Variants in ADAMTS18 observed in about 807,000 individuals in gnomAD.
ADAMTS18 encodes the protein A disintegrin and metalloproteinase with thrombospondin motifs 18.
In ADAMTS18, 157 loss-of-function variants were observed where a neutral mutation model predicts 165.9. That is an observed-to-expected ratio of 0.95 (90% CI 0.83 to 1.08). The LOEUF (loss-of-function observed/expected upper bound fraction) is 1.08. Ranked by LOEUF, ADAMTS18 falls within the 50% of genes least tolerant of loss-of-function variation. ADAMTS18 has a pLI of 0.00. For synonymous variants in ADAMTS18, 782 were observed against 578.2 expected (o/e 1.35, Z -5.06); for missense variants, 2,040 against 1,534.0 (o/e 1.33, Z -5.51).
At chr16:77,429,893 C>T (rs910352393) in intron 3 of ADAMTS18, among the ~76,000 whole-genome samples, 3 of 152,146 alleles carry the variant, frequency 2.0e-5, no homozygotes, top group Admixed American at 6.5e-5. Context: ...TTATTCCCAT[C>T]TTAGAAATAA....
chr16:77,375,270 C>A (rs567613144), intron 3 of ADAMTS18, among the ~76,000 whole-genome samples: 4 of 152,272 alleles, frequency 2.6e-5, no homozygotes, highest in East Asian at 1.9e-4. Flanking sequence ...GATCCGCCCA[C>A]CTCAGCCTCC....
At chr16:77,287,512 A>T (rs2144552839) in intron 22 of ADAMTS18, among the ~76,000 whole-genome samples, 1 of 152,196 alleles carries the variant, frequency 6.6e-6, no homozygotes, top group Non-Finnish European at 1.5e-5. Flanking sequence ...AGGGTCTCAA[A>T]AAAAGCCCAG....
intron 19 of ADAMTS18, 67 bp from the exon 20 acceptor site, chr16:77,293,325 A>C (rs1419011399): frequency 2.6e-5 from 34 of 1,303,270 alleles, no homozygotes; most frequent in South Asian, 7.2e-5. Flanking sequence ...AAAAAAAAAA[A>C]CAACACACTA....
intron 19 of ADAMTS18, 65 bp from the exon 20 acceptor site, chr16:77,293,323 A>T: frequency 1.5e-6 from 2 of 1,360,736 alleles, no homozygotes; most frequent in Non-Finnish European, 2.1e-6. Context: ...TTAAAAAAAA[A>T]AACAACACAC....
chr16:77,358,846 A>G (rs189843462), intron 8 of ADAMTS18, among the ~76,000 whole-genome samples: 2 of 152,320 alleles, frequency 1.3e-5, no homozygotes, highest in Admixed American at 1.3e-4. Flanking sequence ...CGTTGTCTCC[A>G]TCATAAAAGG....
chr16:77,288,136 A>G (rs2055291291), intron 22 of ADAMTS18, among the ~76,000 whole-genome samples: 1 of 152,138 alleles, frequency 6.6e-6, no homozygotes, highest in Admixed American at 6.5e-5. Context: ...GCCAAAAATA[A>G]CAAGACAAAT....
intron 18 of ADAMTS18, 104 bp downstream of exon 18, chr16:77,297,185 C>T: frequency 1.3e-6 from 2 of 1,497,314 alleles, no homozygotes; most frequent in Non-Finnish European, 9.3e-7. Flanking sequence ...ACCTTTGAAT[C>T]ACTTTCCATT....
At chr16:77,304,313 C>G (rs575931846) in intron 16 of ADAMTS18, among the ~76,000 whole-genome samples, 6 of 152,116 alleles carry the variant, frequency 3.9e-5, no homozygotes, top group Non-Finnish European at 8.8e-5. Flanking sequence ...TTTTAAAAAA[C>G]TAGCTAGGTG....
intron 3 of ADAMTS18, among the ~76,000 whole-genome samples, chr16:77,378,475 G>A (rs1038026340): frequency 1.3e-5 from 2 of 152,296 alleles, no homozygotes; most frequent in African/African-American, 4.8e-5. Flanking sequence ...AGCATGTTGG[G>A]AGGCTGAGGC....
chr16:77,433,313 C>T (rs1294546146), intron 2 of ADAMTS18: 1 of 152,246 alleles, frequency 6.6e-6, no homozygotes, highest in Non-Finnish European at 1.5e-5. Flanking sequence ...TCCAGCCAGC[C>T]TTCTATGGAA....
chr16:77,323,295 A>G (rs1002654294), intron 13 of ADAMTS18, among the ~76,000 whole-genome samples: 7 of 152,194 alleles, frequency 4.6e-5, no homozygotes, highest in African/African-American at 1.7e-4. Context: ...ACAAACGTGT[A>G]AACAGTTTGC....
chr16:77,295,436 C>T (rs954597227), intron 18 of ADAMTS18, among the ~76,000 whole-genome samples: 2 of 152,170 alleles, frequency 1.3e-5, no homozygotes, highest in Non-Finnish European at 2.9e-5. Context: ...AACTATGTGT[C>T]AGGGACTCTC....
intron 3 of ADAMTS18, among the ~76,000 whole-genome samples, chr16:77,426,134 A>G (rs2057669190): frequency 1.3e-5 from 2 of 152,186 alleles, no homozygotes; most frequent in African/African-American, 2.4e-5. Context: ...AATGCATATT[A>G]GTGTATTAAA....
chr16:77,412,704 G>A (rs912757696), intron 3 of ADAMTS18, among the ~76,000 whole-genome samples: 1 of 152,082 alleles, frequency 6.6e-6, no homozygotes, highest in South Asian at 2.1e-4. Context: ...CAATGGAAAG[G>A]GAAAACCCCT....
chr16:77,337,908 C>CTTTTTTTTTTT (rs10679600), intron 11 of ADAMTS18, among the ~76,000 whole-genome samples: 1 of 140,840 alleles, frequency 7.1e-6, no homozygotes, highest in African/African-American at 2.6e-5. Flanking sequence ...CTTTTCTTTT[C>CTTTTTTTTTTT]TTTTTTTTTT....
chr16:77,373,583 G>C (rs2056907842), intron 3 of ADAMTS18, among the ~76,000 whole-genome samples: 1 of 152,140 alleles, frequency 6.6e-6, no homozygotes, highest in Non-Finnish European at 1.5e-5. Flanking sequence ...GTGGAGATGA[G>C]GGATAAAAGT....
intron 3 of ADAMTS18, among the ~76,000 whole-genome samples, chr16:77,425,646 C>G (rs2057661839): frequency 6.6e-6 from 1 of 152,170 alleles, no homozygotes; most frequent in Admixed American, 6.5e-5. Context: ...GAACACATGT[C>G]CAGGTACAAG....
At chr16:77,320,911 G>A (rs1220716589) in intron 15 of ADAMTS18, among the ~76,000 whole-genome samples, 168 bp downstream of exon 15, 3 of 152,130 alleles carry the variant, frequency 2.0e-5, no homozygotes, top group Middle Eastern at 3.2e-3. Context: ...ATGTATCGAC[G>A]AAATTCCTCA....
rs115426156 is a variant in ADAMTS18 at position 77,378,417 on chromosome 16, T to C, written c.496-10694A>G. 5.4e-3 allele frequency among the ~76,000 whole-genome samples: 828 copies of C among 152,022 alleles called. 12 individuals are homozygous for C. The highest frequency in any genetic ancestry group is 0.018 in the African/African-American group (764 of 41,462). Reference sequence around the variant, plus strand: ...AGAGGATTAAATGAGTTAATACTTTTAATGTGCTAAAAACAGGCTGGGCAC... The same window carrying C: ...AGAGGATTAAATGAGTTAATACTTTCAATGTGCTAAAAACAGGCTGGGCAC... On this transcript the variant is annotated intron_variant, in intron 3 of 22. Coordinates refer to ENST00000282849, the MANE Select transcript of ADAMTS18 (RefSeq NM_199355.4).
Sources: gnomAD v4.1 joint callset for allele counts (sites outside exome capture counted in the v4.1 genomes callset) on GRCh38, gnomAD v4.1.1 for gene constraint, MANE v1.5 for transcripts, NCBI Gene and HGNC (gene_info 2026-07-23, HGNC 2026-07-21) for gene names.